The following AFG3L2 variants were observed in gnomAD, a reference collection of about 807,000 sequenced individuals.
AFG3L2 encodes mitochondrial inner membrane m-AAA protease component AFG3L2.
Under a neutral mutation model 94.5 loss-of-function variants are expected in AFG3L2, and 54 were observed. That is an observed-to-expected ratio of 0.57 (90% CI 0.46 to 0.72). The LOEUF (loss-of-function observed/expected upper bound fraction) is 0.72, where lower values mean the gene tolerates loss of function less well. Ranked by LOEUF, AFG3L2 falls within the 30% of genes least tolerant of loss-of-function variation. The probability of loss-of-function intolerance (pLI) is 0.00; values close to 1 mark genes in which losing one functional copy is unlikely to be tolerated. For synonymous variants in AFG3L2, 377 were observed against 365.5 expected (o/e 1.03, Z -0.36); for missense variants, 754 against 994.9 (o/e 0.76, Z 3.26).
chr18:12,353,948 C>T (rs767245183), intron 9 of AFG3L2, among the ~76,000 whole-genome samples: 1 of 152,182 alleles, frequency 6.6e-6, no homozygotes, highest in Non-Finnish European at 1.5e-5. Context: ...AGCCCATCAG[C>T]TCATCCCCAA....
intron 6 of AFG3L2, 149 bp from the exon 7 acceptor site, chr18:12,360,200 ATGG>A (rs1204307959): frequency 2.7e-6 from 2 of 754,698 alleles, no homozygotes; most frequent in South Asian, 1.9e-5. Flanking sequence ...GGCTTTAATA[ATGG>A]TGGTGATTAA....
chr18:12,370,661 A>C (rs1908956268), intron 3 of AFG3L2, among the ~76,000 whole-genome samples, 188 bp downstream of exon 3: 1 of 151,662 alleles, frequency 6.6e-6, no homozygotes, highest in South Asian at 2.1e-4. Context: ...GTTTCACCAC[A>C]TTGCCCAGGC....
chr18:12,340,137 G>A, intron 15 of AFG3L2, 64 bp downstream of exon 15: 4 of 1,434,696 alleles, frequency 2.8e-6, no homozygotes, highest in East Asian at 2.3e-5. Context: ...GCCATTCATA[G>A]AATGTCAATT....
chr18:12,337,236 A>G lies in AFG3L2; in HGVS notation c.2175+105T>C, dbSNP rs559984010. On this transcript the variant is annotated intron_variant, in intron 16 of 16. Transcript: ENST00000269143. ...ACGAACGGACCCATGGGTGAGCCAGAGAGAGGGAATTCTGCAGTCTACACA... is the reference window on the plus strand; with the variant it reads ...ACGAACGGACCCATGGGTGAGCCAGGGAGAGGGAATTCTGCAGTCTACACA... 76 of 1,004,634 alleles carry G rather than the reference A, an allele frequency of 7.6e-5. No individual in the cohort carries two copies. In the South Asian group the frequency reaches 9.4e-4, roughly 12 times the overall value. 62.2% of individuals were successfully genotyped at this position (1,004,634 alleles called of 1,614,324 possible). A position where few individuals can be genotyped will look rare whatever the true frequency, so the allele number is the denominator to read the frequency against.
chr18:12,370,189 T>C (rs1017006740), intron 3 of AFG3L2, among the ~76,000 whole-genome samples: 1 of 151,906 alleles, frequency 6.6e-6, no homozygotes, highest in African/African-American at 2.4e-5. Flanking sequence ...TGAGGAGCAA[T>C]TTTTAAAACA....
At position 12,367,100 on chromosome 18, in the gene AFG3L2, G is replaced by A. The variant is rs777978024; in HGVS notation, c.417C>T (p.Asp139=). ...SRFQKGDIPW[D]DKDFRMFFLW... ...GGAAGAACATCCTGAAATCCTTGTC[G>A]TCCCATGGAATGTCACCCTGGGCAG... The change falls in exon 5 of 17, where the codon GAC becomes GAT. Residue 139 remains aspartate (D), a synonymous_variant. Transcript: ENST00000269143. 22 of 1,614,052 alleles carry A rather than the reference G, an allele frequency of 1.4e-5. No homozygotes were observed. Among genetic ancestry groups the A allele is most frequent in the South Asian group, 6.6e-5 (6 of 91,086 alleles).
intron 7 of AFG3L2, 70 bp downstream of exon 7, chr18:12,359,857 C>A: frequency 1.3e-6 from 2 of 1,582,342 alleles, no homozygotes; most frequent in Non-Finnish European, 1.7e-6. Context: ...AGCCCTGCAC[C>A]CAGGGACAGA....
rs747350748 is a variant in AFG3L2 at position 12,367,111 on chromosome 18, T to C, written c.406A>G (p.Ile136Val). 9 of 1,614,240 alleles carry C rather than the reference T, an allele frequency of 5.6e-6. No individual in the cohort carries two copies. In the East Asian group the frequency reaches 1.8e-4, roughly 32 times the overall value. The change falls in exon 5 of 17, where the codon ATT becomes GTT. Residue 136 changes from isoleucine to valine, a missense_variant. Physicochemically the swap from Ile to Val is conservative, Grantham distance 29. This residue lies in a region of AFG3L2 where 236 missense variants were observed against 214.0 expected (regional missense o/e 1.10). Transcript: ENST00000269143. ...CTGAAATCCTTGTCGTCCCATGGAA[T>C]GTCACCCTGGGCAGAGAGGGAGACA... ...HWWSRFQKGDIPWDDKDFRMF... is the reference protein window; with the variant it reads ...HWWSRFQKGDVPWDDKDFRMF...
intron 5 of AFG3L2, among the ~76,000 whole-genome samples, chr18:12,366,568 TG>T (rs1195330289): frequency 1.3e-5 from 2 of 152,098 alleles, no homozygotes; most frequent in Non-Finnish European, 2.9e-5. Context: ...CCAAAGAGGC[TG>T]GCACACAACA....
chr18:12,339,915 G>T (rs569670486), intron 15 of AFG3L2, among the ~76,000 whole-genome samples: 3 of 151,296 alleles, frequency 2.0e-5, no homozygotes, highest in Admixed American at 2.0e-4. Flanking sequence ...AGCTACTCAG[G>T]AGGCTGAGGC....
chr18:12,351,513 G>T, intron 10 of AFG3L2, 100 bp from the exon 11 acceptor site: 2 of 959,202 alleles, frequency 2.1e-6, no homozygotes, highest in Non-Finnish European at 3.3e-6. Context: ...CATAGCTACA[G>T]TAAACACATT....
chr18:12,358,839 C>A lies in AFG3L2; in HGVS notation c.857G>T (p.Gly286Val). ...AGIGRTGRGM[G>V]GLFSVGETTA... ...GGTTTCTCCGACACTGAAGAGTCCGCCCATCCCTCGGCCTGTCCGGCCAAT... is the reference window on the plus strand; with the variant it reads ...GGTTTCTCCGACACTGAAGAGTCCGACCATCCCTCGGCCTGTCCGGCCAAT... Residue 286 changes from glycine (G) to valine (V), a missense_variant, in exon 8 of 17, where the codon GGC (glycine) becomes GTC (valine). Physicochemically the swap from Gly to Val is moderately radical, Grantham distance 109. Transcript: ENST00000269143. 1 of 1,614,244 alleles carries A rather than the reference C, an allele frequency of 6.2e-7. No individual in the cohort carries two copies. The highest frequency in any genetic ancestry group is 8.5e-7 in the Non-Finnish European group (1 of 1,180,046).
intron 3 of AFG3L2, among the ~76,000 whole-genome samples, chr18:12,368,725 C>G (rs1268365872): frequency 2.0e-5 from 3 of 152,020 alleles, no homozygotes; most frequent in African/African-American, 7.3e-5. Flanking sequence ...CTCAGCCTCC[C>G]AAGTAGTTGG....
intron 1 of AFG3L2, 145 bp from the exon 2 acceptor site, chr18:12,371,836 G>C (rs1909001475): frequency 8.6e-6 from 6 of 696,098 alleles, no homozygotes; most frequent in African/African-American, 1.8e-5. Flanking sequence ...CCTTAGTGAG[G>C]ACTAGGATTA....
In AFG3L2 at chr18:12,363,922, C is replaced by T. The variant is rs751353175; in HGVS notation, c.553-66G>A. The T allele has an allele frequency of 9.3e-6, 11 of 1,177,752 alleles. No homozygotes were observed. In the Middle Eastern group the frequency reaches 6.8e-4, roughly 73 times the overall value. 73.0% of individuals were successfully genotyped at this position (1,177,752 alleles called of 1,614,324 possible). A position where few individuals can be genotyped will look rare whatever the true frequency, so the allele number is the denominator to read the frequency against. ...AATACTTGAGATACTCTTTTAAGCT[C>T]ATTTAAAATGCATATGATGTTTCAG... On this transcript the variant is annotated intron_variant, in intron 5 of 16. Coordinates refer to ENST00000269143, the MANE Select transcript of AFG3L2 (RefSeq NM_006796.3).
chr18:12,366,516 A>C (rs1277096775), intron 5 of AFG3L2, among the ~76,000 whole-genome samples: 1 of 152,130 alleles, frequency 6.6e-6, no homozygotes, highest in Non-Finnish European at 1.5e-5. Context: ...ATTAGCTGCC[A>C]CGCCCACAGG....
chr18:12,370,048 C>T (rs904640187), intron 3 of AFG3L2, among the ~76,000 whole-genome samples: 5 of 118,844 alleles, frequency 4.2e-5, no homozygotes, highest in African/African-American at 1.8e-4. Context: ...GAGCTAGACT[C>T]TGTCTCAAAA....
intron 12 of AFG3L2, among the ~76,000 whole-genome samples, chr18:12,350,433 C>T (rs758087808): frequency 2.0e-5 from 3 of 148,850 alleles, no homozygotes; most frequent in Non-Finnish European, 2.9e-5. Context: ...TTTAAAAAAA[C>T]GCTTAGGAAT....
chr18:12,366,636 G>A (rs548933360), intron 5 of AFG3L2, among the ~76,000 whole-genome samples: 1 of 152,210 alleles, frequency 6.6e-6, no homozygotes, highest in Non-Finnish European at 1.5e-5. Context: ...GCAGAGGCTG[G>A]CACACGACAG....
Sources: gnomAD v4.1 joint callset for allele counts (sites outside exome capture counted in the v4.1 genomes callset) on GRCh38, gnomAD v4.1.1 for gene constraint, gnomAD v4.1.1 regional missense constraint, MANE v1.5 for transcripts, NCBI Gene and HGNC (gene_info 2026-07-23, HGNC 2026-07-21) for gene names.